The following PHRF1 variants were observed in gnomAD, a reference collection of about 807,000 sequenced individuals.
The protein encoded by PHRF1 is PHD and ring finger domains 1.
A neutral mutation model predicts 128.9 loss-of-function variants in PHRF1; 53 were observed. That is an observed-to-expected ratio of 0.41 (90% CI 0.33 to 0.52). The LOEUF is 0.52. Among genes scored for constraint, PHRF1 ranks in the 20% least tolerant of loss-of-function variants. PHRF1 has a pLI of 0.21. For missense variants in PHRF1, 2,503 were observed against 2,284.5 expected (o/e 1.10, Z -1.95); for synonymous variants, 1,178 against 980.6 (o/e 1.20, Z -3.76).
Position 608,583 on chromosome 11 carries a change from A to G in PHRF1, c.3127A>G (p.Arg1043Gly), listed in dbSNP as rs375758239. 1.9e-6 allele frequency: 3 copies of G among 1,612,168 alleles called. No homozygotes were observed. Among genetic ancestry groups the G allele is most frequent in the East Asian group, 2.2e-5 (1 of 44,884 alleles). The stretch of plus-strand genomic sequence containing the variant: ...ACCATCAGTGGGTGAGGAGCGCCCC[A>G]GGAGGCAGCGGTCCAAGGCCAAGAG... ...ASPSVGEERP[R>G]RQRSKAKSRR... is the part of the protein sequence containing the mutation. The change falls in exon 14 of 18, where the codon AGG becomes GGG. Residue 1043 changes from arginine (R) to glycine (G), a missense_variant. By Grantham distance (125) the Arg-to-Gly change is moderately radical. Transcript: ENST00000264555.
chr11:577,218 G>A (rs780097170), intron 1 of PHRF1, among the ~76,000 whole-genome samples: 1 of 152,226 alleles, frequency 6.6e-6, no homozygotes, highest in Non-Finnish European at 1.5e-5. Context: ...TACAGAGGAG[G>A]GGATTGGAGC....
intron 4 of PHRF1, among the ~76,000 whole-genome samples, chr11:588,446 C>G (rs1854721030): frequency 6.6e-6 from 1 of 151,916 alleles, no homozygotes; most frequent in Non-Finnish European, 1.5e-5. Context: ...ATGGCGCGAT[C>G]TTGGCTCACC....
intron 1 of PHRF1, among the ~76,000 whole-genome samples, chr11:577,468 C>G (rs926478205): frequency 6.6e-6 from 1 of 152,238 alleles, no homozygotes; most frequent in Non-Finnish European, 1.5e-5. Flanking sequence ...GTTGATCTCT[C>G]TCCTGGACCA....
chr11:579,443 G>A (rs2134163258), intron 1 of PHRF1, among the ~76,000 whole-genome samples: 1 of 152,352 alleles, frequency 6.6e-6, no homozygotes, highest in East Asian at 1.9e-4. Flanking sequence ...TGTGGGGTCT[G>A]TTGTCAGGGT....
chr11:609,631 C>A lies in PHRF1; in HGVS notation c.4175C>A (p.Pro1392His). ...CCTGAGGAGGTGGTTTCGCAGACCC[C>A]CCTGCTGCGGTCCAGAGCCCTGGTG... ...ARPEEVVSQT[P>H]LLRSRALVKR... Residue 1392 changes from proline to histidine, a missense_variant, in exon 14 of 18, where the codon CCC becomes CAC. Transcript: ENST00000264555. 1.3e-6 allele frequency: 2 copies of A among 1,580,204 alleles called. No individual in the cohort carries two copies. Among genetic ancestry groups the A allele is most frequent in the African/African-American group, 2.7e-5 (2 of 74,358 alleles).
Position 597,044 on chromosome 11 carries a change from A to G in PHRF1, c.718+24A>G. On this transcript the variant is annotated intron_variant, in intron 7 of 17. Transcript: ENST00000264555. The surrounding 1 kb of genome is among the most constrained non-coding windows in gnomAD (Gnocchi z 6.5). ...TGGTAAGGACACTGCTCCCGTCCCA[A>G]GGCGCACATGGGCCTTCTCACTGTC... 4.3e-6 allele frequency: 7 copies of G among 1,609,888 alleles called. No homozygotes were observed. Among genetic ancestry groups the G allele is most frequent in the East Asian group, 2.2e-5 (1 of 44,844 alleles).
At chr11:583,485 C>A (rs566118388) in intron 3 of PHRF1, among the ~76,000 whole-genome samples, 4 of 152,170 alleles carry the variant, frequency 2.6e-5, no homozygotes, top group Admixed American at 6.5e-5. Context: ...CCACCACACT[C>A]CAGCCTGGGC....
In PHRF1 at chr11:605,409, T is replaced by A. The variant is rs375764545; in HGVS notation, c.1334+109T>A. 1,313 of 1,493,918 alleles carry A rather than the reference T, an allele frequency of 8.8e-4. 3 individuals carry two copies. The Middle Eastern group carries it at 0.013, about 15-fold the overall frequency. The allele number at this position is 1,493,918 out of a possible 1,614,324, so 92.5% of individuals were successfully genotyped here. On this transcript the variant is annotated intron_variant, in intron 11 of 17. Coordinates refer to ENST00000264555, the MANE Select transcript of PHRF1 (RefSeq NM_001286581.2). ...AGGCGTTAGGTTTTGTGTTTGAGAG[T>A]GAGGGTGGCCATTCCTCCCACCGCC... is the stretch of plus-strand genomic sequence containing the variant.
At chr11:592,438 T>C in intron 5 of PHRF1, 121 bp from the exon 6 acceptor site, 1 of 927,706 alleles carries the variant, frequency 1.1e-6, no homozygotes, top group South Asian at 1.4e-5. Context: ...CCTCTGGGCC[T>C]GTGGAGCCCA....
intron 17 of PHRF1, 91 bp from the exon 18 acceptor site, chr11:611,543 G>C: frequency 1.9e-6 from 3 of 1,561,696 alleles, no homozygotes; most frequent in Non-Finnish European, 2.6e-6. Context: ...TCCTGAGCAG[G>C]GCAGGCGAGG....
Position 611,797 on chromosome 11 carries a change from A to G in PHRF1, c.*20A>G, listed in dbSNP as rs1166451749. 5.1e-6 allele frequency: 8 copies of G among 1,582,370 alleles called. No homozygotes were observed. The highest frequency in any genetic ancestry group is 1.1e-5 in the South Asian group (1 of 88,158). On this transcript the variant is annotated 3_prime_UTR_variant, in exon 18 of 18. Coordinates refer to ENST00000264555, the MANE Select transcript of PHRF1 (RefSeq NM_001286581.2). ...GGCTGAGGCCAGGCAATCACGGGCT[A>G]TGCCCGGGGAGCTGTCGGGAGTGGC...
rs1402085698 is a variant in PHRF1, at chr11:609,583, G to A, written c.4127G>A (p.Gly1376Glu). The A allele has an allele frequency of 6.3e-7, 1 of 1,595,764 alleles. No homozygotes were observed. The highest frequency in any genetic ancestry group is 8.5e-7 in the Non-Finnish European group (1 of 1,172,768). The change falls in exon 14 of 18, where the codon GGG becomes GAG. Residue 1376 changes from glycine to glutamate, a missense_variant. Gly to Glu is a moderately conservative substitution (Grantham distance 98, BLOSUM62 -2). Coordinates refer to ENST00000264555, the MANE Select transcript of PHRF1 (RefSeq NM_001286581.2). Reference sequence around the variant, plus strand: ...AAGGAAGACAGCCCCTCTGCGAGTGGGAGGGTACAGGAGGCAGCCCGGCCT... The same window carrying A: ...AAGGAAGACAGCCCCTCTGCGAGTGAGAGGGTACAGGAGGCAGCCCGGCCT... ...AGKEDSPSAS[G>E]RVQEAARPEE...
At position 592,575 on chromosome 11, in the gene PHRF1, C is replaced by G; in HGVS notation, c.521C>G (p.Thr174Ser). The G allele has an allele frequency of 6.2e-7, 1 of 1,614,056 alleles. No homozygotes were observed. The highest frequency in any genetic ancestry group is 1.6e-4 in the Middle Eastern group (1 of 6,062). Reference sequence around the variant, plus strand: ...CTGTCCTAGATCCCAGTGGAGAACACCAAAGCGAGCGAGGAGGAGGAGGAC... The same window carrying G: ...CTGTCCTAGATCCCAGTGGAGAACAGCAAAGCGAGCGAGGAGGAGGAGGAC... The part of the protein sequence containing the change: ...KILRKIPVEN[T>S]KASEEEEDPT... Residue 174 changes from threonine to serine, a missense_variant, in exon 6 of 18, where the codon ACC (threonine) becomes AGC (serine). Coordinates refer to ENST00000264555, the MANE Select transcript of PHRF1 (RefSeq NM_001286581.2).
intron 5 of PHRF1, 119 bp downstream of exon 5, chr11:591,586 T>C (rs1589873775): frequency 2.3e-6 from 2 of 868,338 alleles, no homozygotes; most frequent in Middle Eastern, 2.4e-4. Flanking sequence ...AAATGCTTCA[T>C]AGAAATCAAC....
rs750856788 is a variant in PHRF1, at chr11:597,011, C to G, written c.709C>G (p.Leu237Val). The G allele has an allele frequency of 1.9e-6, 3 of 1,613,788 alleles. No individual in the cohort carries two copies. Among genetic ancestry groups the G allele is most frequent in the South Asian group, 2.2e-5 (2 of 91,064 alleles). ...CPECAAPGVV[L>V]AADAGPVSEE... is the part of the protein sequence containing the mutation. ...GGAATGTGCTGCGCCTGGTGTTGTC[C>G]TTGCCGCTGGTAAGGACACTGCTCC... Residue 237 changes from leucine to valine, a missense_variant, in exon 7 of 18, where the codon CTT becomes GTT. By Grantham distance (32) the Leu-to-Val change is conservative. Transcript: ENST00000264555. The surrounding 1 kb of genome is among the most constrained non-coding windows in gnomAD (Gnocchi z 6.5).
chr11:576,813 C>CGTGGCCTGCGGG (rs1564833251), intron 1 of PHRF1, among the ~76,000 whole-genome samples: 4 of 80,266 alleles, frequency 5.0e-5, no homozygotes, highest in African/African-American at 9.0e-5. Flanking sequence ...CTGGGAGGCC[C>CGTGGCCTGCGGG]CGCCGAGACT....
intron 10 of PHRF1, among the ~76,000 whole-genome samples, chr11:602,997 G>A (rs1212845038): frequency 1.8e-4 from 28 of 151,916 alleles, no homozygotes; most frequent in South Asian, 2.1e-4. Context: ...TCCTGACCTC[G>A]TGATCTGCCC....
rs150731199 is a variant in PHRF1 at position 610,526 on chromosome 11, C to T, written c.4442C>T (p.Ala1481Val). The T allele has an allele frequency of 1.9e-6, 3 of 1,604,646 alleles. No individual in the cohort carries two copies. Among genetic ancestry groups the T allele is most frequent in the African/African-American group, 1.3e-5 (1 of 75,024 alleles). The change falls in exon 16 of 18, where the codon GCC becomes GTC. Residue 1481 changes from alanine to valine, a missense_variant. Transcript: ENST00000264555. ...GTTTACAGCCCCGGCCTGCCGCCTG[C>T]CCCGGCCCAGCCCTCAAGCATCCCA... ...SQVYSPGLPP[A>V]PAQPSSIPPC...
At chr11:578,747 G>A (rs1041251003) in intron 1 of PHRF1, among the ~76,000 whole-genome samples, 1 of 152,162 alleles carries the variant, frequency 6.6e-6, no homozygotes, top group Non-Finnish European at 1.5e-5. Context: ...TAACGGTTTT[G>A]CCATGTTGCC....
Sources: allele counts gnomAD v4.1 joint callset (sites outside exome capture counted in the v4.1 genomes callset), GRCh38; gene constraint gnomAD v4.1.1; non-coding constraint Gnocchi (gnomAD v3.1); transcripts MANE v1.5; gene names NCBI Gene and HGNC (gene_info 2026-07-23, HGNC 2026-07-21).